Variants in ZFR2 observed in about 807,000 individuals in gnomAD.
ZFR2 encodes the protein zinc finger RNA-binding protein 2.
A neutral mutation model predicts 105.7 loss-of-function variants in ZFR2; 104 were observed. That is an observed-to-expected ratio of 0.98 (90% CI 0.84 to 1.16). The LOEUF (loss-of-function observed/expected upper bound fraction) is 1.16, where lower values mean the gene tolerates loss of function less well. ZFR2 is among the 50% of genes most tolerant of loss of function. The pLI, the probability that ZFR2 is intolerant of heterozygous loss-of-function variation, is 0.00. For missense variants in ZFR2, 1,425 were observed against 1,355.5 expected, an observed-to-expected ratio of 1.05 and a Z score of -0.80; for synonymous variants, 634 against 597.7, an observed-to-expected ratio of 1.06 and a Z score of -0.89.
At position 3,807,278 on chromosome 19, in the gene ZFR2, C is replaced by G. The variant is rs56083710; in HGVS notation, c.2546-9G>C. 0.12 allele frequency: 192,907 copies of G among 1,548,786 alleles called. 14,387 individuals are homozygous for G. Among genetic ancestry groups the G allele is most frequent in the Admixed American group, 0.36 (18,194 of 51,020 alleles). ...CTGGAGCCCGGGCCCGTCTTTGTGA[C>G]GGGGAGTGGGAACAGCAAAGAAGGC... On this transcript the variant is annotated splice_polypyrimidine_tract_variant and intron_variant, in intron 17 of 18. Transcript: ENST00000262961.
At chr19:3,851,651 T>C (rs2145182094) in intron 1 of ZFR2, among the ~76,000 whole-genome samples, 1 of 152,246 alleles carries the variant, frequency 6.6e-6, no homozygotes, top group African/African-American at 2.4e-5. Flanking sequence ...ACAGAAGGGT[T>C]TTTAAGATGG....
At chr19:3,854,984 T>G (rs1164243435) in intron 1 of ZFR2, among the ~76,000 whole-genome samples, 1 of 152,220 alleles carries the variant, frequency 6.6e-6, no homozygotes, top group East Asian at 1.9e-4. Flanking sequence ...GGTCTTGAAC[T>G]GCTGGCCTCA....
chr19:3,813,531 G>A lies in ZFR2; in HGVS notation c.2242+289C>T. ...ACCAGGGCCTGAGAAGCAGGTGCCA[G>A]CCCTGGGTAAGGGCAAGGGAGGTGA... On this transcript the variant is annotated intron_variant, in intron 14 of 18. Coordinates refer to ENST00000262961, the MANE Select transcript of ZFR2 (RefSeq NM_015174.2). The surrounding 1 kb of genome is among the most constrained non-coding windows in gnomAD (Gnocchi z 4.4). 6.6e-6 allele frequency among the ~76,000 whole-genome samples: 1 copy of A among 152,234 alleles called. No homozygotes were observed. Among genetic ancestry groups the A allele is most frequent in the East Asian group, 1.9e-4 (1 of 5,200 alleles).
intron 3 of ZFR2, among the ~76,000 whole-genome samples, chr19:3,833,045 A>C (rs1288494338): frequency 4.6e-5 from 7 of 150,668 alleles, no homozygotes; most frequent in Admixed American, 3.3e-4. Context: ...TCAGGAGTTC[A>C]AGACCAGCCT....
chr19:3,868,830 C>A, intron 1 of ZFR2, 135 bp downstream of exon 1: 1 of 757,680 alleles, frequency 1.3e-6, no homozygotes, highest in Non-Finnish European at 1.8e-6. Flanking sequence ...CCGCGGCTTC[C>A]CTCAGGCCGG....
chr19:3,858,251 C>T lies in ZFR2; in HGVS notation c.53+10714G>A, dbSNP rs933987053. 4.6e-4 allele frequency among the ~76,000 whole-genome samples: 70 copies of T among 152,192 alleles called. No homozygotes were observed. Among genetic ancestry groups the T allele is most frequent in the East Asian group, 1.7e-3 (9 of 5,190 alleles). On this transcript the variant is annotated intron_variant, in intron 1 of 18. Transcript: ENST00000262961. This position sits in a 1 kb window ranked among gnomAD's most constrained non-coding sequence, Gnocchi z 4.3. Reference sequence around the variant, plus strand: ...CATGCTCTTGCTTGCTCCGAAGAGACGGAGCAGGCTTAGGTGTGGTCCACA... The same window carrying T: ...CATGCTCTTGCTTGCTCCGAAGAGATGGAGCAGGCTTAGGTGTGGTCCACA...
intron 1 of ZFR2, among the ~76,000 whole-genome samples, chr19:3,864,163 C>T (rs1376967161): frequency 1.3e-5 from 2 of 152,066 alleles, no homozygotes; most frequent in Non-Finnish European, 2.9e-5. Context: ...GGCAGGAGAT[C>T]TCTTGAGGCC....
chr19:3,859,216 C>T (rs2038342079), intron 1 of ZFR2, among the ~76,000 whole-genome samples: 1 of 152,176 alleles, frequency 6.6e-6, no homozygotes, highest in Non-Finnish European at 1.5e-5. Flanking sequence ...CTGGGTGCCT[C>T]CTGCCCTCGA....
In ZFR2 at chr19:3,825,402, G is replaced by A. The variant is rs1055655866; in HGVS notation, c.1041C>T (p.Phe347=). The change falls in exon 7 of 19, where the codon TTC becomes TTT. Residue 347 remains phenylalanine, a synonymous_variant. Coordinates refer to ENST00000262961, the MANE Select transcript of ZFR2 (RefSeq NM_015174.2). ...HIRGSKHQKV[F]KLHAKLGKPI... The stretch of plus-strand genomic sequence containing the variant: ...GCTTCCCCAGTTTGGCGTGCAGCTT[G>A]AAGACCTGCAACAGACAGAGCCGGG... 4.4e-6 allele frequency: 7 copies of A among 1,577,904 alleles called. No individual in the cohort carries two copies. The highest frequency in any genetic ancestry group is 2.3e-5 in the East Asian group (1 of 42,802).
At chr19:3,859,155 C>T (rs1047518116) in intron 1 of ZFR2, among the ~76,000 whole-genome samples, 5 of 152,170 alleles carry the variant, frequency 3.3e-5, no homozygotes, top group African/African-American at 9.7e-5. Flanking sequence ...GGCAGAGGAA[C>T]GTGGAAGGAC....
intron 1 of ZFR2, chr19:3,857,065 G>A (rs2038311553): frequency 6.8e-6 from 1 of 146,810 alleles, no homozygotes; most frequent in African/African-American, 2.5e-5. Context: ...AGGAACCAGA[G>A]GTTTTGTGAA....
At position 3,833,655 on chromosome 19, in the gene ZFR2, A is replaced by G. The variant is rs1158631412; in HGVS notation, c.379+9T>C. On this transcript the variant is annotated intron_variant, in intron 3 of 18. Transcript: ENST00000262961. ...CTCGTTCCCAGCCCCGACCCTGCAG[A>G]TGGCTCACCTGGCTGGCCGGAGTCT... 5 of 1,549,448 alleles carry G rather than the reference A, an allele frequency of 3.2e-6. No individual in the cohort carries two copies. Among genetic ancestry groups the G allele is most frequent in the South Asian group, 2.4e-5 (2 of 84,480 alleles).
At chr19:3,819,309 G>GGGCAGGT in intron 11 of ZFR2, 74 bp from the exon 12 acceptor site, 1 of 1,229,280 alleles carries the variant, frequency 8.1e-7, no homozygotes. Context: ...GCGGGCAGGT[G>GGGCAGGT]GGGGCAGGTG....
chr19:3,851,207 G>C (rs886841848), intron 1 of ZFR2, among the ~76,000 whole-genome samples: 2 of 152,166 alleles, frequency 1.3e-5, no homozygotes, highest in Non-Finnish European at 2.9e-5. Context: ...ACAGGGGCCA[G>C]AACTAGAGGG....
intron 17 of ZFR2, among the ~76,000 whole-genome samples, chr19:3,807,615 A>G (rs1189929543): frequency 1.3e-5 from 2 of 150,612 alleles, no homozygotes; most frequent in Non-Finnish European, 3.0e-5. Context: ...GTGTGTGCTC[A>G]TTGGCGTATG....
chr19:3,856,802 C>T (rs1236378858), intron 1 of ZFR2, among the ~76,000 whole-genome samples: 1 of 152,126 alleles, frequency 6.6e-6, no homozygotes, highest in African/African-American at 2.4e-5. Flanking sequence ...GCCATCTCGG[C>T]TCACTGCAAC....
At chr19:3,821,301 C>G in intron 10 of ZFR2, 39 bp downstream of exon 10, 2 of 1,529,422 alleles carry the variant, frequency 1.3e-6, no homozygotes, top group Non-Finnish European at 1.8e-6. Flanking sequence ...ACCTGCCCTC[C>G]CTCACCAGGC....
chr19:3,814,998 G>A (rs992584799), intron 13 of ZFR2, among the ~76,000 whole-genome samples: 11 of 150,320 alleles, frequency 7.3e-5, no homozygotes, highest in Admixed American at 2.7e-4. Flanking sequence ...GTGCCCACTG[G>A]AAAAGTCAAA....
intron 11 of ZFR2, among the ~76,000 whole-genome samples, chr19:3,819,852 C>CAAAAG (rs373530026): frequency 7.2e-6 from 1 of 138,658 alleles, no homozygotes; most frequent in African/African-American, 2.7e-5. Flanking sequence ...GACTCTGTCT[C>CAAAAG]AAAAAAAAAT....
Sources: allele counts gnomAD v4.1 joint callset (sites outside exome capture counted in the v4.1 genomes callset), GRCh38; gene constraint gnomAD v4.1.1; non-coding constraint Gnocchi (gnomAD v3.1); transcripts MANE v1.5; gene names NCBI Gene and HGNC (gene_info 2026-07-23, HGNC 2026-07-21).